SP140L: variants seen among roughly 807,000 people sequenced by gnomAD.
SP140L encodes the protein nuclear body protein SP140-like protein.
SP140L carries 64 observed loss-of-function variants against 84.3 expected under a neutral mutation model. The ratio of observed to expected loss-of-function variants is 0.76; its 90% CI spans 0.62 to 0.94. SP140L has a LOEUF of 0.94. Ranked by LOEUF, SP140L falls within the 40% of genes least tolerant of loss-of-function variation. The pLI, the probability that SP140L is intolerant of heterozygous loss-of-function variation, is 0.00. For synonymous variants in SP140L, 242 were observed against 236.9 expected (o/e 1.02, Z -0.20); for missense variants, 628 against 692.5 (o/e 0.91, Z 1.05).
chr2:230,353,302 T>A (rs921280193), intron 2 of SP140L, among the ~76,000 whole-genome samples: 28 of 152,226 alleles, frequency 1.8e-4, no homozygotes, highest in African/African-American at 6.7e-4. Flanking sequence ...TTCTATTGAT[T>A]GTAACTTTTT....
intron 5 of SP140L, among the ~76,000 whole-genome samples, chr2:230,362,423 G>T (rs757794242): frequency 7.4e-4 from 113 of 152,150 alleles, no homozygotes; most frequent in Non-Finnish European, 1.5e-3. Flanking sequence ...TTTAAATGTG[G>T]GGATGTTGTT....
intron 3 of SP140L, among the ~76,000 whole-genome samples, chr2:230,358,594 T>C (rs1227924109): frequency 6.6e-6 from 1 of 152,168 alleles, no homozygotes. Context: ...CAAATCAGTC[T>C]TGGGGGAAGA....
In SP140L at chr2:230,370,904, T is replaced by C. The variant is rs200596068; in HGVS notation, c.524-4T>C. 7 of 1,613,344 alleles carry C rather than the reference T, an allele frequency of 4.3e-6. No individual in the cohort carries two copies. The South Asian group carries it at 6.6e-5, about 15-fold the overall frequency. On this transcript the variant is annotated splice_region_variant and splice_polypyrimidine_tract_variant and intron_variant, in intron 5 of 18. Coordinates refer to ENST00000415673, the MANE Select transcript of SP140L (RefSeq NM_138402.6). The stretch of plus-strand genomic sequence containing the variant: ...GAAGTGTTCCTATGTCATGTGTTTC[T>C]CAGGAGAAGTGCCAGAAAGCCCGGA...
intron 7 of SP140L, among the ~76,000 whole-genome samples, chr2:230,378,153 T>C (rs1236170164): frequency 6.6e-6 from 1 of 152,204 alleles, no homozygotes; most frequent in Admixed American, 6.5e-5. Flanking sequence ...TACTTGACTT[T>C]TTTTCTGTTC....
At chr2:230,391,969 C>A (rs2061828476) in intron 11 of SP140L, 118 bp from the exon 12 acceptor site, 2 of 1,425,534 alleles carry the variant, frequency 1.4e-6, no homozygotes, top group South Asian at 1.3e-5. Context: ...AAGGCCAGAC[C>A]CTCCTGCTAT....
chr2:230,355,559 G>A (rs2060517055), intron 2 of SP140L, among the ~76,000 whole-genome samples: 1 of 152,090 alleles, frequency 6.6e-6, no homozygotes, highest in African/African-American at 2.4e-5. Context: ...GATTTGAAAA[G>A]ATATGTGGAA....
At chr2:230,336,195 T>C (rs952099037) in intron 2 of SP140L, among the ~76,000 whole-genome samples, 1 of 152,182 alleles carries the variant, frequency 6.6e-6, no homozygotes, top group Non-Finnish European at 1.5e-5. Context: ...CCCGTGGAAG[T>C]CTTATAGTAA....
intron 5 of SP140L, among the ~76,000 whole-genome samples, chr2:230,362,688 T>G (rs1169941908): frequency 3.3e-5 from 5 of 152,220 alleles, no homozygotes; most frequent in Non-Finnish European, 7.3e-5. Context: ...TATTCCTTAT[T>G]GTCCATTTTG....
chr2:230,347,906 C>A (rs931766985), intron 2 of SP140L, among the ~76,000 whole-genome samples: 11 of 152,228 alleles, frequency 7.2e-5, no homozygotes, highest in African/African-American at 2.4e-4. Flanking sequence ...ATGGCAGGAA[C>A]ACAGTACCAG....
chr2:230,352,023 A>C (rs2060379938), intron 2 of SP140L, among the ~76,000 whole-genome samples: 1 of 152,206 alleles, frequency 6.6e-6, no homozygotes, highest in Non-Finnish European at 1.5e-5. Context: ...TTGATGTTTT[A>C]AAATTACTAC....
chr2:230,353,761 T>C (rs1215825025), intron 2 of SP140L, among the ~76,000 whole-genome samples: 2 of 152,100 alleles, frequency 1.3e-5, no homozygotes, highest in Admixed American at 1.3e-4. Flanking sequence ...CAACCTTTTT[T>C]CTGTTTTACC....
At chr2:230,370,676 A>T (rs1437460777) in intron 5 of SP140L, among the ~76,000 whole-genome samples, 1 of 151,838 alleles carries the variant, frequency 6.6e-6, no homozygotes, top group Non-Finnish European at 1.5e-5. Context: ...AGTTCTGATA[A>T]TGAAAAAAAG....
In SP140L at chr2:230,401,417, T is replaced by A; in HGVS notation, c.1474T>A (p.Phe492Ile). The change falls in exon 17 of 19, where the codon TTT (phenylalanine) becomes ATT (isoleucine). Residue 492 changes from phenylalanine (F) to isoleucine (I), a missense_variant. Coordinates refer to ENST00000415673, the MANE Select transcript of SP140L (RefSeq NM_138402.6). ...KVYCCSESSF[F>I]AKIPYYYYIR... ...CTATTGCTGTTCTGAGAGCTCCTTT[T>A]TTGCCAAGATTCCATACTATTATTA... is the stretch of plus-strand genomic sequence containing the variant. 2 of 1,564,226 alleles carry A rather than the reference T, an allele frequency of 1.3e-6. No homozygotes were observed. Among genetic ancestry groups the A allele is most frequent in the Non-Finnish European group, 1.7e-6 (2 of 1,155,604 alleles).
intron 7 of SP140L, among the ~76,000 whole-genome samples, chr2:230,377,773 C>A (rs1381266661): frequency 6.6e-6 from 1 of 152,170 alleles, no homozygotes; most frequent in Non-Finnish European, 1.5e-5. Context: ...ATGTGTGAAG[C>A]TTCTCATTGC....
chr2:230,341,624 T>C (rs1265762235), intron 2 of SP140L, among the ~76,000 whole-genome samples: 1 of 149,580 alleles, frequency 6.7e-6, no homozygotes, highest in African/African-American at 2.4e-5. Flanking sequence ...TTTGTGGTTT[T>C]ATCTACTTTT....
At chr2:230,328,715 G>C (rs1283489379) in intron 1 of SP140L, 42 bp from the exon 2 acceptor site, 2 of 1,602,926 alleles carry the variant, frequency 1.2e-6, no homozygotes, top group Non-Finnish European at 1.7e-6. Context: ...AAAGGGTGCT[G>C]TTATTTACTT....
chr2:230,368,667 C>T (rs2060961894), intron 5 of SP140L, among the ~76,000 whole-genome samples: 1 of 152,030 alleles, frequency 6.6e-6, no homozygotes, highest in Non-Finnish European at 1.5e-5. Context: ...TTTTCCTTCT[C>T]TAGCTGTATT....
intron 18 of SP140L, among the ~76,000 whole-genome samples, chr2:230,402,394 TAAGA>T (rs1326805724): frequency 6.6e-6 from 1 of 152,258 alleles, no homozygotes; most frequent in East Asian, 1.9e-4. Context: ...GCCCTGTTAA[TAAGA>T]AAGGATCATG....
chr2:230,367,514 G>A (rs1359916296), intron 5 of SP140L, among the ~76,000 whole-genome samples: 5 of 151,972 alleles, frequency 3.3e-5, no homozygotes, highest in African/African-American at 1.2e-4. Flanking sequence ...GAGTGGTCTT[G>A]AACTCCTGGG....
Sources: allele counts gnomAD v4.1 joint callset (sites outside exome capture counted in the v4.1 genomes callset), GRCh38; gene constraint gnomAD v4.1.1; transcripts MANE v1.5; gene names NCBI Gene and HGNC (gene_info 2026-07-23, HGNC 2026-07-21).